Variants in IGSF1 observed in about 807,000 individuals in gnomAD.
IGSF1 encodes the protein immunoglobulin superfamily member 1, also known as immunoglobulin-like domain-containing protein 1.
IGSF1 carries 40 observed loss-of-function variants against 95.3 expected under a neutral mutation model. That is an observed-to-expected ratio of 0.42 (90% CI 0.33 to 0.55). The LOEUF (loss-of-function observed/expected upper bound fraction) is 0.55, where lower values mean the gene tolerates loss of function less well. Among genes scored for constraint, IGSF1 ranks in the 20% least tolerant of loss-of-function variants. IGSF1 has a pLI of 0.10. For missense variants in IGSF1, 906 were observed against 1,025.4 expected (o/e 0.88, Z 1.59); for synonymous variants, 372 against 382.9 (o/e 0.97, Z 0.33).
intron 17 of IGSF1, 52 bp downstream of exon 17, chrX:131,274,947 A>C (rs1430921080): frequency 8.4e-7 from 1 of 1,194,353 alleles, no homozygotes; most frequent in African/African-American, 1.8e-5. Context: ...CTTATTGCTT[A>C]CTGCTAAAAA....
chrX:131,275,598 C>A lies in IGSF1; in HGVS notation c.3064G>T (p.Ala1022Ser). ...QLWGSTSNDG[A>S]FPITNISGTS... ...CCAGATATATTGGTGATGGGGAATGCCCCGTCATTACTGGTGGATCCCCAG... is the reference window on the plus strand; with the variant it reads ...CCAGATATATTGGTGATGGGGAATGACCCGTCATTACTGGTGGATCCCCAG... The change falls in exon 16 of 20, where the codon GCA becomes TCA. Residue 1022 changes from alanine (A) to serine (S), a missense_variant. Around this residue, in one of 5 missense-constraint regions of IGSF1, gnomAD observed 411 missense variants for 494.9 expected, o/e 0.83. Transcript: ENST00000361420. 1 of 1,210,826 alleles carries A rather than the reference C, an allele frequency of 8.3e-7. No individual in the cohort carries two copies.
At position 131,285,255 on chromosome X, in the gene IGSF1, G is replaced by A. The variant is rs1187925720; in HGVS notation, c.591C>T (p.Tyr197=). 4.1e-6 allele frequency: 5 copies of A among 1,211,442 alleles called. No homozygotes were observed. Among genetic ancestry groups the A allele is most frequent in the Non-Finnish European group, 4.5e-6 (4 of 895,185 alleles). Residue 197 remains tyrosine (Y), a synonymous_variant, in exon 5 of 20, where the codon TAC becomes TAT. Transcript: ENST00000361420. ...DNLTPEDEGV[Y]ICRTHIQMLP... is the part of the protein sequence containing the mutation. ...GCATCTGGATATGAGTGCGGCAGAT[G>A]TAAACCCCTTCATCCTCAGGTGTCA...
At chrX:131,284,427 A>C in intron 5 of IGSF1, 1 of 575,990 alleles carries the variant, frequency 1.7e-6, no homozygotes, top group African/African-American at 2.5e-5. Flanking sequence ...AAATAGAACT[A>C]GAAACCAGTA....
In IGSF1 at chrX:131,281,268, C is replaced by T. The variant is rs772583079; in HGVS notation, c.1596G>A (p.Leu532=). The T allele has an allele frequency of 8.3e-7, 1 of 1,209,902 alleles. No individual in the cohort carries two copies. The highest frequency in any genetic ancestry group is 3.0e-5 in the East Asian group (1 of 33,798). ...RLSLIMQLVA[L]LLVVLWIRWK... is the part of the protein sequence containing the mutation. ...ACCTTATCCACAGCACTACCAACAG[C>T]AAGGCAACAAGCTGCATGATTAGAG... is the stretch of plus-strand genomic sequence containing the variant. Residue 532 remains leucine (L), a synonymous_variant, in exon 9 of 20, where the codon TTG becomes TTA. Transcript: ENST00000361420.
At chrX:131,274,943 G>C in intron 17 of IGSF1, 56 bp downstream of exon 17, 1 of 1,197,846 alleles carries the variant, frequency 8.3e-7, no homozygotes, top group Non-Finnish European at 1.1e-6. Flanking sequence ...CCCCCTTATT[G>C]CTTACTGCTA....
At chrX:131,280,740 G>T (rs2080546074) in intron 9 of IGSF1, among the ~76,000 whole-genome samples, 1 of 111,170 alleles carries the variant, frequency 9.0e-6, no homozygotes, top group South Asian at 3.8e-4. Flanking sequence ...GGAGGCCACA[G>T]TGTCAGAGAC....
intron 8 of IGSF1, 67 bp from the exon 9 acceptor site, chrX:131,281,405 G>A (rs942877454): frequency 1.3e-5 from 15 of 1,149,913 alleles, no homozygotes; most frequent in Admixed American, 6.7e-5. Flanking sequence ...ACATTCATGG[G>A]GTGAGGACAA....
At chrX:131,283,302 G>A (rs1198514648) in intron 5 of IGSF1, 38 bp from the exon 6 acceptor site, 14 of 1,085,487 alleles carry the variant, frequency 1.3e-5, no homozygotes, top group Non-Finnish European at 1.6e-5. Flanking sequence ...GAGGCAAGAT[G>A]ATTCTTTCCT....
At chrX:131,280,228 A>G (rs1038453129) in intron 9 of IGSF1, among the ~76,000 whole-genome samples, 1 of 110,803 alleles carries the variant, frequency 9.0e-6, no homozygotes, top group Non-Finnish European at 1.9e-5. Context: ...AAGAAGTAGA[A>G]CTTGACCCCT....
chrX:131,285,316 G>A lies in IGSF1; in HGVS notation c.530C>T (p.Pro177Leu), dbSNP rs758353807. 1.7e-6 allele frequency: 2 copies of A among 1,211,129 alleles called. No homozygotes were observed. The highest frequency in any genetic ancestry group is 3.0e-5 in the East Asian group (1 of 33,833). The change falls in exon 5 of 20, where the codon CCA (proline) becomes CTA (leucine). Residue 177 changes from proline (P) to leucine (L), a missense_variant. This residue lies in a region of IGSF1 where 442 missense variants were observed against 448.1 expected (regional missense o/e 0.99). Transcript: ENST00000361420. ...GYAEPVDYQV[P>L]TGTMAIFSID... ...GGAGAATATGGCCATTGTCCCAGTT[G>A]GGACTTGGTAATCCACAGGCTCTGC... is the stretch of plus-strand genomic sequence containing the variant.
chrX:131,285,091 A>C, intron 5 of IGSF1, 88 bp downstream of exon 5: 2 of 1,127,647 alleles, frequency 1.8e-6, no homozygotes, highest in Non-Finnish European at 2.3e-6. Flanking sequence ...AAACTGGCTG[A>C]GGAAAGTAAA....
In IGSF1 at chrX:131,278,557, C is replaced by A. The variant is rs1293600466; in HGVS notation, c.1945G>T (p.Ala649Ser). Residue 649 changes from alanine to serine, a missense_variant, in exon 12 of 20, where the codon GCC (alanine) becomes TCC (serine). Physicochemically the swap from Ala to Ser is moderately conservative, Grantham distance 99 (BLOSUM62 1). Transcript: ENST00000361420. ...CTCCCGGTGTGGCTCTGGGTCAGGG[C>A]GCCAAGGGGGAAGGCAGCCCGGACC... The part of the protein sequence containing the change: ...EQVRAAFPLG[A>S]LTQSHTGSYH... 15 of 1,211,006 alleles carry A rather than the reference C, an allele frequency of 1.2e-5. No homozygotes were observed. The highest frequency in any genetic ancestry group is 1.6e-5 in the Non-Finnish European group (14 of 894,738).
At chrX:131,276,808 A>G in intron 14 of IGSF1, 131 bp downstream of exon 14, 4 of 613,439 alleles carry the variant, frequency 6.5e-6, no homozygotes, top group South Asian at 2.7e-5. Context: ...ACTGGTCACT[A>G]TGGGCCAGCC....
In IGSF1 at chrX:131,276,366, GA is replaced by G. The variant is rs199533488; in HGVS notation, c.2609-119del. 2.9e-3 allele frequency: 1,575 copies of G among 549,879 alleles called. 18 individuals are homozygous for G. The African/African-American group carries it at 0.035, about 12-fold the overall frequency. 45.3% of individuals were successfully genotyped at this position (549,879 alleles called of 1,213,427 possible). A position where few individuals can be genotyped will look rare whatever the true frequency, so the allele number is the denominator to read the frequency against. ...TTGTTGTTAAAAATTAGAAAATATA[GA>G]AAAAAAAACTAATGAAGGAAACACA... On this transcript the variant is annotated intron_variant, in intron 14 of 19. Transcript: ENST00000361420.
intron 5 of IGSF1, chrX:131,284,555 TG>T: frequency 2.1e-5 from 16 of 752,432 alleles, no homozygotes; most frequent in Non-Finnish European, 2.4e-5. Flanking sequence ...CTCCAGGCCA[TG>T]GGGTGGGGGA....
intron 9 of IGSF1, among the ~76,000 whole-genome samples, chrX:131,280,395 A>G (rs1419309176): frequency 9.0e-6 from 1 of 111,523 alleles, no homozygotes; most frequent in Non-Finnish European, 1.9e-5. Flanking sequence ...ATACTTCCAG[A>G]CACACTGACC....
intron 1 of IGSF1, among the ~76,000 whole-genome samples, chrX:131,287,829 C>A (rs1281058445): frequency 1.8e-5 from 2 of 111,727 alleles, no homozygotes; most frequent in Non-Finnish European, 3.8e-5. Flanking sequence ...CCCAGCCACG[C>A]AAACTCAAGC....
Position 131,276,958 on chromosome X carries a change from A to C in IGSF1, c.2589T>G (p.Pro863=). 8.3e-7 allele frequency: 1 copy of C among 1,211,341 alleles called. No homozygotes were observed. The highest frequency in any genetic ancestry group is 1.1e-6 in the Non-Finnish European group (1 of 895,250). Residue 863 remains proline (P), a synonymous_variant, in exon 14 of 20, where the codon CCT becomes CCG. Transcript: ENST00000361420. ...CCTAACCTGTCACCACGAGCTCCACAGGGTCGCTGGGCTCAGACCAGATAG... is the reference window on the plus strand; with the variant it reads ...CCTAACCTGTCACCACGAGCTCCACCGGGTCGCTGGGCTCAGACCAGATAG... ...DFSIWSEPSD[P]VELVVTEFYP...
At chrX:131,274,476 G>A in intron 18 of IGSF1, 123 bp downstream of exon 18, 4 of 761,734 alleles carry the variant, frequency 5.3e-6, no homozygotes, top group Admixed American at 3.1e-5. Flanking sequence ...GGAGAAAGAT[G>A]ACACACTTCA....
Sources: gnomAD v4.1 joint callset for allele counts (sites outside exome capture counted in the v4.1 genomes callset) on GRCh38, gnomAD v4.1.1 for gene constraint, gnomAD v4.1.1 regional missense constraint, MANE v1.5 for transcripts, NCBI Gene and HGNC (gene_info 2026-07-23, HGNC 2026-07-21) for gene names.